RBFOX1: variants seen among roughly 807,000 people sequenced by gnomAD.
RBFOX1 encodes the protein RNA binding fox-1 homolog 1.
In RBFOX1, 8 loss-of-function variants were observed where a neutral mutation model predicts 57.7. The ratio of observed to expected loss-of-function variants is 0.14; its 90% CI spans 0.08 to 0.25. The LOEUF (loss-of-function observed/expected upper bound fraction) is 0.25. Among genes scored for constraint, RBFOX1 ranks in the 10% least tolerant of loss-of-function variants. The pLI, the probability that RBFOX1 is intolerant of heterozygous loss-of-function variation, is 1.00. For synonymous variants in RBFOX1, 326 were observed against 222.4 expected (o/e 1.47, Z -4.15); for missense variants, 611 against 548.5 (o/e 1.11, Z -1.14).
rs74955182 is a variant in RBFOX1, at chr16:6,583,911, T to G, written c.-63-70692T>G. On this transcript the variant is annotated intron_variant, in intron 2 of 15. Coordinates refer to ENST00000550418, the MANE Select transcript of RBFOX1 (RefSeq NM_018723.4). Reference sequence around the variant, plus strand: ...GCTAATCAGTTTGGCTGCACTTGTTTGTAAAGAAAGACGATTGTATCTTCA... The same window carrying G: ...GCTAATCAGTTTGGCTGCACTTGTTGGTAAAGAAAGACGATTGTATCTTCA... 7.9e-3 allele frequency among the ~76,000 whole-genome samples: 1,203 copies of G among 152,210 alleles called. 15 individuals are homozygous for G. Among genetic ancestry groups the G allele is most frequent in the African/African-American group, 0.028 (1,144 of 41,518 alleles).
intron 3 of RBFOX1, among the ~76,000 whole-genome samples, chr16:6,780,149 TTA>T (rs1190320979): frequency 0.013 from 427 of 32,422 alleles, 75 homozygotes; most frequent in Admixed American, 0.022. Context: ...TTATATATAT[TTA>T]TATATATATT....
At chr16:7,683,008 G>A (rs374273985) in intron 14 of RBFOX1, among the ~76,000 whole-genome samples, 1 of 4,418 alleles carries the variant, frequency 2.3e-4, no homozygotes, top group East Asian at 0.017. Context: ...GTGTGTGTGT[G>A]TGTATATATA....
intron 4 of RBFOX1, among the ~76,000 whole-genome samples, chr16:5,992,063 G>A (rs1052761836): frequency 3.9e-5 from 6 of 152,146 alleles, no homozygotes; most frequent in African/African-American, 1.4e-4. Flanking sequence ...GAGCTTTAAT[G>A]TAAGGAGAGA....
chr16:6,546,229 G>T (rs576265788), intron 2 of RBFOX1, among the ~76,000 whole-genome samples: 6 of 152,308 alleles, frequency 3.9e-5, no homozygotes, highest in Admixed American at 3.3e-4. Flanking sequence ...TGAAGCTATT[G>T]AGCAAGCATT....
intron 3 of RBFOX1, among the ~76,000 whole-genome samples, chr16:6,872,551 A>C (rs771671996): frequency 2.0e-5 from 3 of 152,144 alleles, no homozygotes; most frequent in Non-Finnish European, 2.9e-5. Flanking sequence ...TTTATATTGG[A>C]AACATTCTTT....
chr16:7,158,442 C>A (rs375295806), intron 4 of RBFOX1, among the ~76,000 whole-genome samples: 1 of 152,140 alleles, frequency 6.6e-6, no homozygotes, highest in African/African-American at 2.4e-5. Flanking sequence ...GACATTGATA[C>A]CACCTACTGA....
intron 3 of RBFOX1, among the ~76,000 whole-genome samples, chr16:6,682,950 C>G (rs1032774609): frequency 6.7e-6 from 1 of 150,228 alleles, no homozygotes; most frequent in Admixed American, 6.6e-5. Flanking sequence ...CAAGTCACAT[C>G]AGGCCTCATA....
intron 3 of RBFOX1, among the ~76,000 whole-genome samples, chr16:6,922,025 T>G (rs2074567163): frequency 6.6e-6 from 1 of 152,174 alleles, no homozygotes; most frequent in Non-Finnish European, 1.5e-5. Flanking sequence ...CTATTTAATG[T>G]ATATAACTGC....
rs2049489699 is a variant in RBFOX1, at chr16:5,657,686, TTCTTTCTTTCTCCTTCTG to T, written c.318+58733_318+58750del. 2.9e-5 allele frequency among the ~76,000 whole-genome samples: 4 copies of T among 138,746 alleles called. No individual in the cohort carries two copies. In the South Asian group the frequency reaches 9.8e-4, roughly 34 times the overall value. 91.0% of individuals were successfully genotyped at this position (138,746 alleles called of 152,430 possible). On this transcript the variant is annotated intron_variant, in intron 3 of 19. Transcript: ENST00000641259. Reference sequence around the variant, plus strand: ...TCTTTCTTTCTTTTCTTTTCTTTCTTTCTTTCTTTCTCCTTCTGTCTTTCTCTCTTTCTTTTGTTTCTT... The same window carrying T: ...TCTTTCTTTCTTTTCTTTTCTTTCTTTCTTTCTCTCTTTCTTTTGTTTCTT...
chr16:5,445,821 T>C (rs2068223303), intron 1 of RBFOX1, among the ~76,000 whole-genome samples: 1 of 152,248 alleles, frequency 6.6e-6, no homozygotes, highest in Admixed American at 6.5e-5. Flanking sequence ...ATATGCTAAA[T>C]CGCTTTTAAA....
intron 9 of RBFOX1, among the ~76,000 whole-genome samples, chr16:7,605,697 C>A (rs1303958375): frequency 6.6e-6 from 1 of 152,190 alleles, no homozygotes; most frequent in Non-Finnish European, 1.5e-5. Context: ...AAAGTTCTTA[C>A]TGTCAAAAAT....
intron 1 of RBFOX1, among the ~76,000 whole-genome samples, chr16:6,132,583 G>A (rs963631498): frequency 1.3e-5 from 2 of 152,150 alleles, no homozygotes; most frequent in Non-Finnish European, 2.9e-5. Flanking sequence ...GGGGAACATA[G>A]TCCAGGAGTA....
At chr16:5,898,927 G>A (rs912891921) in intron 4 of RBFOX1, among the ~76,000 whole-genome samples, 1 of 151,458 alleles carries the variant, frequency 6.6e-6, no homozygotes, top group Non-Finnish European at 1.5e-5. Context: ...GCCGGGTGTG[G>A]TGTCATTTGC....
chr16:5,432,665 G>T (rs528309221), intron 1 of RBFOX1, among the ~76,000 whole-genome samples: 1 of 151,476 alleles, frequency 6.6e-6, no homozygotes, highest in East Asian at 1.9e-4. Flanking sequence ...AGACATGGCA[G>T]GTCAAAGAGG....
At chr16:6,265,180 G>T (rs768284743) in intron 1 of RBFOX1, among the ~76,000 whole-genome samples, 2 of 152,084 alleles carry the variant, frequency 1.3e-5, no homozygotes, top group Non-Finnish European at 2.9e-5. Context: ...TATGCTCTTC[G>T]CACACTCACG....
chr16:6,472,224 A>C (rs993230791), intron 2 of RBFOX1, among the ~76,000 whole-genome samples: 3 of 152,180 alleles, frequency 2.0e-5, no homozygotes, highest in African/African-American at 7.2e-5. Context: ...TCCCTGGACA[A>C]GGGACCGATG....
intron 4 of RBFOX1, among the ~76,000 whole-genome samples, chr16:7,289,811 A>G (rs1316733187): frequency 1.3e-5 from 2 of 152,200 alleles, no homozygotes; most frequent in South Asian, 4.1e-4. Flanking sequence ...TGTCTCACTT[A>G]TAAATAAGGA....
intron 3 of RBFOX1, among the ~76,000 whole-genome samples, chr16:6,967,062 T>A (rs564508584): frequency 1.2e-4 from 19 of 152,308 alleles, no homozygotes; most frequent in African/African-American, 4.6e-4. Context: ...CATCTATCCA[T>A]ATATCTATAC....
intron 3 of RBFOX1, among the ~76,000 whole-genome samples, chr16:5,611,710 C>G (rs2151248412): frequency 6.7e-6 from 1 of 148,908 alleles, no homozygotes; most frequent in South Asian, 2.2e-4. Context: ...ACTCTCCCAT[C>G]CATCCATCTA....
Sources: allele counts gnomAD v4.1 joint callset (sites outside exome capture counted in the v4.1 genomes callset), GRCh38; gene constraint gnomAD v4.1.1; transcripts MANE v1.5; gene names NCBI Gene and HGNC (gene_info 2026-07-23, HGNC 2026-07-21).